The following ARID1B variants were observed in gnomAD, a reference collection of about 807,000 sequenced individuals.
ARID1B encodes AT-rich interactive domain-containing protein 1B.
In ARID1B, 30 loss-of-function variants were observed where a neutral mutation model predicts 212.3. That is an observed-to-expected ratio of 0.14 (90% confidence interval 0.11 to 0.19). The LOEUF is 0.19. ARID1B is among the 10% of genes least tolerant of loss of function. ARID1B has a pLI of 1.00. For missense variants in ARID1B, 2,891 were observed against 3,204.0 expected (o/e 0.90, Z 2.36); for synonymous variants, 1,402 against 1,301.7 (o/e 1.08, Z -1.66).
At chr6:157,187,007 A>G (rs940459918) in intron 13 of ARID1B, among the ~76,000 whole-genome samples, 2 of 152,134 alleles carry the variant, frequency 1.3e-5, no homozygotes, top group Non-Finnish European at 2.9e-5. Context: ...GGCTTCTCAC[A>G]CCGGATGTCT....
At chr6:156,908,442 AT>A (rs1789585888) in intron 3 of ARID1B, among the ~76,000 whole-genome samples, 1 of 152,170 alleles carries the variant, frequency 6.6e-6, no homozygotes, top group African/African-American at 2.4e-5. Context: ...TGATAAAACC[AT>A]TTCCAAAGTG....
At chr6:156,992,738 C>G (rs1183550443) in intron 4 of ARID1B, among the ~76,000 whole-genome samples, 1 of 152,150 alleles carries the variant, frequency 6.6e-6, no homozygotes, top group Admixed American at 6.5e-5. Flanking sequence ...GAAGACTGCC[C>G]TGGCTATGGA....
chr6:157,132,792 C>A (rs1375626462), intron 6 of ARID1B, among the ~76,000 whole-genome samples: 3 of 152,212 alleles, frequency 2.0e-5, no homozygotes, highest in African/African-American at 7.2e-5. Flanking sequence ...TTGAAGTCCA[C>A]AAGCCATTGG....
intron 1 of ARID1B, among the ~76,000 whole-genome samples, chr6:156,807,675 A>G (rs2127970473): frequency 6.6e-6 from 1 of 152,340 alleles, no homozygotes; most frequent in South Asian, 2.1e-4. Context: ...ACATCTGTAT[A>G]TAAGATGATA....
intron 4 of ARID1B, among the ~76,000 whole-genome samples, chr6:157,038,961 C>T (rs532044557): frequency 2.5e-4 from 38 of 151,600 alleles, no homozygotes; most frequent in African/African-American, 5.8e-4. Flanking sequence ...TGGAGTGCAG[C>T]GGCGCGATCA....
intron 13 of ARID1B, 111 bp downstream of exon 13, chr6:157,184,546 G>A (rs1229878326): frequency 8.2e-6 from 10 of 1,226,756 alleles, no homozygotes; most frequent in Non-Finnish European, 1.2e-5. Context: ...GGACTTTTGA[G>A]AGGTGGGGGG....
intron 12 of ARID1B, 58 bp downstream of exon 12, chr6:157,181,236 T>C (rs113570533): frequency 0.036 from 56,135 of 1,573,372 alleles, 1,200 homozygotes; most frequent in Non-Finnish European, 0.041. Flanking sequence ...GTTCTTACAG[T>C]GGCTTTCTTT....
intron 1 of ARID1B, among the ~76,000 whole-genome samples, chr6:156,792,018 A>T (rs1355228363): frequency 7.9e-5 from 12 of 151,978 alleles, no homozygotes; most frequent in South Asian, 4.2e-4. Flanking sequence ...AGAAATCTTT[A>T]AAAAAAAGGA....
chr6:157,020,529 T>C (rs1780166783), intron 4 of ARID1B, among the ~76,000 whole-genome samples: 1 of 152,236 alleles, frequency 6.6e-6, no homozygotes, highest in South Asian at 2.1e-4. Flanking sequence ...CTTTAGCCAC[T>C]AGGCATGTGT....
intron 4 of ARID1B, among the ~76,000 whole-genome samples, chr6:156,978,754 G>A (rs1219004264): frequency 1.3e-5 from 2 of 152,080 alleles, no homozygotes; most frequent in East Asian, 1.9e-4. Context: ...ATAATTTGGG[G>A]TTTTATTAGT....
chr6:157,006,511 A>G (rs575281538), intron 4 of ARID1B, among the ~76,000 whole-genome samples: 2 of 152,386 alleles, frequency 1.3e-5, no homozygotes, highest in East Asian at 1.9e-4. Flanking sequence ...TCATTTGCAT[A>G]TGCCTAGGAG....
At chr6:157,026,402 G>C (rs146186510) in intron 4 of ARID1B, among the ~76,000 whole-genome samples, 301 of 152,238 alleles carry the variant, frequency 2.0e-3, no homozygotes, top group Non-Finnish European at 3.7e-3. Flanking sequence ...ATTTTAAAGT[G>C]ACTTTATTAT....
At chr6:157,085,026 C>A in intron 5 of ARID1B, 121 bp downstream of exon 5, 1 of 1,288,646 alleles carries the variant, frequency 7.8e-7, no homozygotes, top group Non-Finnish European at 1.0e-6. Flanking sequence ...AAGAGTATAA[C>A]TGAATTCTCA....
chr6:156,975,577 G>A (rs898558168), intron 4 of ARID1B, among the ~76,000 whole-genome samples: 2 of 148,334 alleles, frequency 1.3e-5, no homozygotes, highest in African/African-American at 5.0e-5. Flanking sequence ...TTTTTCCACC[G>A]GATATAGAAT....
intron 8 of ARID1B, chr6:157,149,263 G>C: frequency 3.0e-6 from 1 of 329,966 alleles, no homozygotes; most frequent in Non-Finnish European, 5.7e-6. Flanking sequence ...AAGTGTCTGC[G>C]TGGTACCAAT....
chr6:156,983,670 G>T (rs371454770), intron 4 of ARID1B, among the ~76,000 whole-genome samples: 1 of 152,078 alleles, frequency 6.6e-6, no homozygotes, highest in Non-Finnish European at 1.5e-5. Flanking sequence ...CTCAGTGTTC[G>T]GTACTTGCTG....
intron 4 of ARID1B, among the ~76,000 whole-genome samples, chr6:157,059,936 C>T (rs1414900659): frequency 6.6e-6 from 1 of 152,230 alleles, no homozygotes; most frequent in East Asian, 1.9e-4. Context: ...GCTGCCACTT[C>T]ACATCAGCTT....
At position 156,934,946 on chromosome 6, in the gene ARID1B, ATATATATATATATAT is replaced by A. The variant is rs1562494840; in HGVS notation, c.2137-519_2137-505del. 9.9e-4 allele frequency among the ~76,000 whole-genome samples: 90 copies of A among 91,176 alleles called. 1 individual carries two copies. Among genetic ancestry groups the A allele is most frequent in the East Asian group, 5.4e-3 (21 of 3,866 alleles). 59.8% of individuals were successfully genotyped at this position (91,176 alleles called of 152,430 possible). A position where few individuals can be genotyped will look rare whatever the true frequency, so the allele number is the denominator to read the frequency against. ...TATATATATATATATATATATATAT[ATATATATATATATAT>A]AGTTTATATTTCTGCTGTTATTCAC... On this transcript the variant is annotated intron_variant, in intron 3 of 19. Transcript: ENST00000636930.
At chr6:156,802,538 G>A (rs1780862824) in intron 1 of ARID1B, among the ~76,000 whole-genome samples, 1 of 152,104 alleles carries the variant, frequency 6.6e-6, no homozygotes, top group Admixed American at 6.5e-5. Context: ...GGTTTAATAA[G>A]GAGGACTTCA....
Sources: allele counts gnomAD v4.1 joint callset (sites outside exome capture counted in the v4.1 genomes callset), GRCh38; gene constraint gnomAD v4.1.1; transcripts MANE v1.5; gene names NCBI Gene and HGNC (gene_info 2026-07-23, HGNC 2026-07-21).